The following FMO4 variants were observed in gnomAD, a reference collection of about 807,000 sequenced individuals.
The protein encoded by FMO4 is dimethylaniline monooxygenase [N-oxide-forming] 4.
In FMO4, 38 loss-of-function variants were observed where a neutral mutation model predicts 43.3. The observed-to-expected ratio is 0.88, with a 90% CI of 0.68 to 1.15. The LOEUF (loss-of-function observed/expected upper bound fraction) is 1.15. FMO4 is among the 50% of genes most tolerant of loss of function. FMO4 has a pLI of 0.00. For synonymous variants in FMO4, 224 were observed against 232.2 expected (o/e 0.96, Z 0.32); for missense variants, 631 against 663.3 (o/e 0.95, Z 0.54).
rs763219496 is a variant in FMO4 at position 171,332,740 on chromosome 1, T to C, written c.659T>C (p.Val220Ala). ...CTCAGTACTAGAACTGGTACCTGGGTTCTTGGGCGCTCTTCAGATTGGGGC... is the reference window on the plus strand; with the variant it reads ...CTCAGTACTAGAACTGGTACCTGGGCTCTTGGGCGCTCTTCAGATTGGGGC... ...VLLSTRTGTW[V>A]LGRSSDWGYP... Residue 220 changes from valine (V) to alanine (A), a missense_variant, in exon 7 of 10, where the codon GTT becomes GCT. By Grantham distance (64) the Val-to-Ala change is moderately conservative. Transcript: ENST00000367749. The C allele has an allele frequency of 1.2e-6, 2 of 1,611,328 alleles. No homozygotes were observed. The highest frequency in any genetic ancestry group is 1.7e-6 in the Non-Finnish European group (2 of 1,177,560).
At chr1:171,331,940 C>T (rs915726800) in intron 6 of FMO4, among the ~76,000 whole-genome samples, 158 bp downstream of exon 6, 2 of 151,850 alleles carry the variant, frequency 1.3e-5, no homozygotes, top group African/African-American at 2.4e-5. Flanking sequence ...TAAAGCCACT[C>T]ACGGTTCTTT....
At chr1:171,328,486 C>T (rs1342900579) in intron 5 of FMO4, among the ~76,000 whole-genome samples, 1 of 151,772 alleles carries the variant, frequency 6.6e-6, no homozygotes. Context: ...ACTGTCTCTG[C>T]TAAAAATACA....
intron 5 of FMO4, among the ~76,000 whole-genome samples, chr1:171,328,290 A>C (rs1571400717): frequency 6.6e-6 from 1 of 151,952 alleles, no homozygotes; most frequent in East Asian, 2.0e-4. Context: ...CAATCCACCC[A>C]CCTTGGCCTC....
chr1:171,337,492 T>A, intron 9 of FMO4, 67 bp downstream of exon 9: 1 of 1,094,540 alleles, frequency 9.1e-7, no homozygotes, highest in South Asian at 1.3e-5. Flanking sequence ...GGATTCAGAG[T>A]ATAAAAGCCA....
intron 6 of FMO4, 35 bp downstream of exon 6, chr1:171,331,817 TC>T: frequency 1.3e-6 from 2 of 1,599,874 alleles, no homozygotes; most frequent in African/African-American, 2.7e-5. Context: ...CCTAATCCCA[TC>T]ATCAGTTATG....
chr1:171,324,088 T>G, intron 4 of FMO4, 50 bp from the exon 5 acceptor site: 36 of 1,493,314 alleles, frequency 2.4e-5, no homozygotes, highest in Non-Finnish European at 3.0e-5. Flanking sequence ...AGTCATTGCA[T>G]GAGGTCCAAG....
rs61731205 is a variant in FMO4, at chr1:171,339,527, G to A, written c.1251-1886G>A. ...CCAGCGAAGATCCTTTCTTATAACC[G>A]TGCCAATCGAGCTGTTGCAATTCTT... On this transcript the variant is annotated intron_variant, in intron 9 of 9. Transcript: ENST00000367749. Among the ~76,000 whole-genome samples, 602 of 152,204 alleles carry A rather than the reference G, an allele frequency of 4.0e-3. 4 individuals are homozygous for A. The highest frequency in any genetic ancestry group is 0.013 in the African/African-American group (546 of 41,538).
In FMO4 at chr1:171,341,542, A is replaced by G. The variant is rs1442808322; in HGVS notation, c.1380A>G (p.Glu460=). 2 of 1,614,058 alleles carry G rather than the reference A, an allele frequency of 1.2e-6. No individual in the cohort carries two copies. Among genetic ancestry groups the G allele is most frequent in the Admixed American group, 3.3e-5 (2 of 59,984 alleles). ...TCAAGGATCCCAGACTAGCTTGGGA[A>G]GTTTTCTTTGGACCATGTACTCCTT... ...LFLKDPRLAW[E]VFFGPCTPYQ... Residue 460 remains glutamate (E), a synonymous_variant, in exon 10 of 10, where the codon GAA becomes GAG. Transcript: ENST00000367749.
At chr1:171,328,908 A>AT (rs1285170564) in intron 5 of FMO4, among the ~76,000 whole-genome samples, 1 of 149,506 alleles carries the variant, frequency 6.7e-6, no homozygotes, top group Non-Finnish European at 1.5e-5. Context: ...TCTGATCATT[A>AT]TAAGTCACCC....
rs1386303935 is a variant in FMO4 at position 171,331,734 on chromosome 1, G to A, written c.579G>A (p.Gly193=). 5 of 1,613,960 alleles carry A rather than the reference G, an allele frequency of 3.1e-6. No individual in the cohort carries two copies. The highest frequency in any genetic ancestry group is 1.1e-5 in the South Asian group (1 of 91,076). The change falls in exon 6 of 10, where the codon GGG becomes GGA. Residue 193 remains glycine (G), a synonymous_variant. Coordinates refer to ENST00000367749, the MANE Select transcript of FMO4 (RefSeq NM_002022.3). The stretch of plus-strand genomic sequence containing the variant: ...AACGCGTCTTGGTGATTGGTCTTGG[G>A]AACACTGGAGGAGACATTGCTGTGG... ...QGKRVLVIGL[G]NTGGDIAVEL... is the part of the protein sequence containing the mutation.
chr1:171,325,047 TGCA>T (rs1662599811), intron 5 of FMO4, among the ~76,000 whole-genome samples: 1 of 152,102 alleles, frequency 6.6e-6, no homozygotes, highest in Admixed American at 6.6e-5. Flanking sequence ...GAGTGGCGGT[TGCA>T]GTGAGCAAAG....
At chr1:171,334,076 A>T (rs1663010824) in intron 7 of FMO4, among the ~76,000 whole-genome samples, 2 of 152,152 alleles carry the variant, frequency 1.3e-5, no homozygotes, top group South Asian at 4.1e-4. Context: ...AAGTAATTTG[A>T]GACCCAAAAT....
chr1:171,322,266 T>C (rs1662467008), intron 3 of FMO4, among the ~76,000 whole-genome samples: 1 of 151,946 alleles, frequency 6.6e-6, no homozygotes, highest in Non-Finnish European at 1.5e-5. Context: ...GAGACAATAA[T>C]GAGAAAAATT....
rs1663030299 is a variant in FMO4, at chr1:171,334,506, C to T, written c.923C>T (p.Thr308Ile). The change falls in exon 8 of 10, where the codon ACC becomes ATC. Residue 308 changes from threonine (T) to isoleucine (I), a missense_variant. By Grantham distance (89) the Thr-to-Ile change is moderately conservative. Transcript: ENST00000367749. ...MKTSVIEFTETSAVFEDGTVE... is the reference protein window; with the variant it reads ...MKTSVIEFTEISAVFEDGTVE... ...ACCAGCGTGATTGAATTTACAGAAA[C>T]CTCTGCTGTCTTTGAAGATGGGACA... 2 of 1,613,760 alleles carry T rather than the reference C, an allele frequency of 1.2e-6. No individual in the cohort carries two copies. The highest frequency in any genetic ancestry group is 1.7e-4 in the Middle Eastern group (1 of 6,058).
chr1:171,327,759 A>G (rs986373080), intron 5 of FMO4, among the ~76,000 whole-genome samples: 1 of 152,112 alleles, frequency 6.6e-6, no homozygotes, highest in African/African-American at 2.4e-5. Flanking sequence ...TACTAAAAAT[A>G]CAAAAAATTA....
In FMO4 at chr1:171,336,564, C is replaced by T. The variant is rs146725128; in HGVS notation, c.1181-792C>T. Among the ~76,000 whole-genome samples the T allele has an allele frequency of 2.6e-3, 397 of 152,216 alleles. 1 individual carries two copies. Among genetic ancestry groups the T allele is most frequent in the Non-Finnish European group, 4.5e-3 (305 of 68,022 alleles). ...CCAGGCCCCTTCCACACATGAGGCT[C>T]CTTGTGTAACAAAAATGAAAATGTT... On this transcript the variant is annotated intron_variant, in intron 8 of 9. Coordinates refer to ENST00000367749, the MANE Select transcript of FMO4 (RefSeq NM_002022.3).
chr1:171,323,849 T>C (rs985124131), intron 4 of FMO4, among the ~76,000 whole-genome samples: 2 of 152,186 alleles, frequency 1.3e-5, no homozygotes, highest in South Asian at 4.1e-4. Context: ...TTTCCTAAAT[T>C]TCCCAAAACA....
In FMO4 at chr1:171,331,729, C is replaced by A. The variant is rs1300116587; in HGVS notation, c.574C>A (p.Leu192Ile). ...GGGCAAACGCGTCTTGGTGATTGGT[C>A]TTGGGAACACTGGAGGAGACATTGC... ...FQGKRVLVIG[L>I]GNTGGDIAVE... Residue 192 changes from leucine (L) to isoleucine (I), a missense_variant, in exon 6 of 10, where the codon CTT becomes ATT. Physicochemically the swap from Leu to Ile is conservative, Grantham distance 5. Coordinates refer to ENST00000367749, the MANE Select transcript of FMO4 (RefSeq NM_002022.3). 6.2e-7 allele frequency: 1 copy of A among 1,613,934 alleles called. No homozygotes were observed. The highest frequency in any genetic ancestry group is 1.7e-5 in the Admixed American group (1 of 60,010).
At chr1:171,339,430 T>C (rs940338160) in intron 9 of FMO4, among the ~76,000 whole-genome samples, 1 of 152,144 alleles carries the variant, frequency 6.6e-6, no homozygotes, top group African/African-American at 2.4e-5. Context: ...AGCCAAGGTA[T>C]TCCATACATA....
Sources: gnomAD v4.1 joint callset for allele counts (sites outside exome capture counted in the v4.1 genomes callset) on GRCh38, gnomAD v4.1.1 for gene constraint, MANE v1.5 for transcripts, NCBI Gene and HGNC (gene_info 2026-07-23, HGNC 2026-07-21) for gene names.